The following ENKUR variants were observed in gnomAD, a reference collection of about 807,000 sequenced individuals.
ENKUR encodes the protein enkurin.
Under a neutral mutation model 27.6 loss-of-function variants are expected in ENKUR, and 19 were observed. The observed-to-expected ratio is 0.69, with a 90% CI of 0.48 to 1.01. ENKUR has a LOEUF of 1.01. Among genes scored for constraint, ENKUR ranks in the 50% least tolerant of loss-of-function variants. ENKUR has a pLI of 0.00. For synonymous variants in ENKUR, 117 were observed against 96.9 expected, an observed-to-expected ratio of 1.21 and a Z score of -1.22; for missense variants, 312 against 310.5, an observed-to-expected ratio of 1.00 and a Z score of -0.04.
chr10:25,015,759 AC>A, intron 1 of ENKUR, 100 bp downstream of exon 1: 1 of 1,114,914 alleles, frequency 9.0e-7, no homozygotes, highest in Non-Finnish European at 1.2e-6. Context: ...AGGCAAAAAT[AC>A]ATTTTATTTA....
At chr10:25,027,356 T>TAAAAAAAAAA (rs1564352066) in intron 2 of ENKUR, among the ~76,000 whole-genome samples, 1,699 of 45,674 alleles carry the variant, frequency 0.037, 345 homozygotes, top group East Asian at 0.17. Context: ...GACTCCCGTC[T>TAAAAAAAAAA]CAAAAAAAAA....
intron 1 of ENKUR, among the ~76,000 whole-genome samples, chr10:25,012,521 C>T (rs911580343): frequency 4.7e-4 from 71 of 152,212 alleles, no homozygotes; most frequent in Admixed American, 8.5e-4. Context: ...CTTGCATCAG[C>T]GTGACCTGGA....
At chr10:24,995,992 T>C in intron 2 of ENKUR, 123 bp from the exon 3 acceptor site, 1 of 758,624 alleles carries the variant, frequency 1.3e-6, no homozygotes, top group South Asian at 2.7e-5. Flanking sequence ...TATTTAAATA[T>C]TTAAGATAGA....
At chr10:25,037,384 C>A (rs1851020164) in intron 2 of ENKUR, among the ~76,000 whole-genome samples, 1 of 151,990 alleles carries the variant, frequency 6.6e-6, no homozygotes, top group Admixed American at 6.6e-5. Flanking sequence ...GATTTGGTGA[C>A]AAATTAGATG....
upstream of ENKUR, among the ~76,000 whole-genome samples, chr10:25,017,771 A>T (rs931248714): frequency 6.6e-6 from 1 of 152,170 alleles, no homozygotes; most frequent in Non-Finnish European, 1.5e-5. Flanking sequence ...CCAAATCTAT[A>T]TCACTTTGCC....
At chr10:24,995,960 T>C in intron 2 of ENKUR, 91 bp from the exon 3 acceptor site, 1 of 1,033,916 alleles carries the variant, frequency 9.7e-7, no homozygotes, top group Non-Finnish European at 1.4e-6. Flanking sequence ...ACCACTTGTA[T>C]ATTGAAGTTG....
chr10:25,007,160 T>C (rs1024768663), intron 1 of ENKUR, among the ~76,000 whole-genome samples: 2 of 152,186 alleles, frequency 1.3e-5, no homozygotes, highest in Admixed American at 6.5e-5. Flanking sequence ...GACTGACATA[T>C]TTCCCTGATC....
chr10:24,985,763 A>G (rs75975296), intron 4 of ENKUR, among the ~76,000 whole-genome samples: 259 of 152,360 alleles, frequency 1.7e-3, no homozygotes, highest in African/African-American at 6.1e-3. Flanking sequence ...CTTTTTAATT[A>G]TTCATTATGG....
intron 1 of ENKUR, among the ~76,000 whole-genome samples, chr10:25,013,416 G>A (rs1255029726): frequency 3.9e-5 from 6 of 152,252 alleles, no homozygotes; most frequent in Admixed American, 2.6e-4. Context: ...TAGAGGATGG[G>A]AGAGACCAAC....
intron 2 of ENKUR, chr10:25,023,177 GC>G (rs1342682984): frequency 6.4e-7 from 1 of 1,558,714 alleles, no homozygotes; most frequent in African/African-American, 1.4e-5. Flanking sequence ...TTTGAAAAGG[GC>G]TAAAGCCAAT....
chr10:25,043,622 C>T (rs1299917067), intron 2 of ENKUR, among the ~76,000 whole-genome samples: 5 of 152,004 alleles, frequency 3.3e-5, no homozygotes, highest in African/African-American at 1.2e-4. Flanking sequence ...GATCTACAGG[C>T]TAATGTTTTG....
At chr10:25,049,348 A>C (rs556964232) in intron 2 of ENKUR, among the ~76,000 whole-genome samples, 1 of 152,250 alleles carries the variant, frequency 6.6e-6, no homozygotes, top group South Asian at 2.1e-4. Context: ...AGGAGGTAAT[A>C]AGTGAACAGA....
At chr10:25,048,646 G>A (rs2130482252) in intron 2 of ENKUR, among the ~76,000 whole-genome samples, 1 of 152,106 alleles carries the variant, frequency 6.6e-6, no homozygotes, top group Non-Finnish European at 1.5e-5. Context: ...CAAAGCAAAT[G>A]AGATGCAGTC....
chr10:25,032,289 C>A (rs1850943399), intron 2 of ENKUR, among the ~76,000 whole-genome samples: 1 of 145,202 alleles, frequency 6.9e-6, no homozygotes. Context: ...AGAAATCCTC[C>A]AGGGAATTAG....
intron 2 of ENKUR, among the ~76,000 whole-genome samples, chr10:24,996,598 T>C (rs1377215214): frequency 6.6e-6 from 1 of 152,178 alleles, no homozygotes; most frequent in Non-Finnish European, 1.5e-5. Flanking sequence ...AATGCAAAAA[T>C]GTGAAATAAT....
At chr10:24,989,719 G>A (rs1849884022) in intron 4 of ENKUR, among the ~76,000 whole-genome samples, 2 of 152,156 alleles carry the variant, frequency 1.3e-5, no homozygotes, top group Admixed American at 1.3e-4. Context: ...TTTTTCAACA[G>A]AGATTAATAA....
intron 3 of ENKUR, among the ~76,000 whole-genome samples, chr10:24,994,597 G>T (rs1850002458): frequency 6.6e-6 from 1 of 152,026 alleles, no homozygotes; most frequent in Admixed American, 6.5e-5. Flanking sequence ...CTAAAGTGCT[G>T]GGATTACAGT....
At chr10:24,984,608 C>A in intron 5 of ENKUR, 128 bp downstream of exon 5, 1 of 1,085,576 alleles carries the variant, frequency 9.2e-7, no homozygotes, top group African/African-American at 1.6e-5. Context: ...ATTGCCTAAG[C>A]ATTCTGATTA....
At chr10:25,008,788 T>C (rs924069865) in intron 1 of ENKUR, among the ~76,000 whole-genome samples, 1 of 151,596 alleles carries the variant, frequency 6.6e-6, no homozygotes. Context: ...ATCATGCTGC[T>C]ATAAAGACAC....
Sources: gnomAD v4.1 joint callset for allele counts (sites outside exome capture counted in the v4.1 genomes callset) on GRCh38, gnomAD v4.1.1 for gene constraint, MANE v1.5 for transcripts, NCBI Gene and HGNC (gene_info 2026-07-23, HGNC 2026-07-21) for gene names.